CSMD2: variants seen among roughly 807,000 people sequenced by gnomAD.
CSMD2 encodes CUB and sushi domain-containing protein 2.
CSMD2 carries 130 observed loss-of-function variants against 398.5 expected under a neutral mutation model. The observed-to-expected ratio is 0.33, with a 90% CI of 0.28 to 0.38. The LOEUF (loss-of-function observed/expected upper bound fraction) is 0.38, where lower values mean the gene tolerates loss of function less well. Among genes scored for constraint, CSMD2 ranks in the 10% least tolerant of loss-of-function variants. CSMD2 has a pLI of 1.00. For synonymous variants in CSMD2, 1,828 were observed against 1,908.5 expected (o/e 0.96, Z 1.10); for missense variants, 3,829 against 4,764.9 (o/e 0.80, Z 5.78).
chr1:33,839,686 G>T (rs1037137308), intron 6 of CSMD2: 1 of 152,136 alleles, frequency 6.6e-6, no homozygotes, highest in Non-Finnish European at 1.5e-5. Context: ...ATGTGGAAGA[G>T]AATGAAAAAA....
chr1:33,851,768 C>G (rs913059376), intron 5 of CSMD2, among the ~76,000 whole-genome samples: 16 of 152,138 alleles, frequency 1.1e-4, no homozygotes, highest in African/African-American at 3.9e-4. Flanking sequence ...ACTCCTAGGA[C>G]TTGCTATGTC....
chr1:33,736,263 C>T (rs181367374), intron 15 of CSMD2, among the ~76,000 whole-genome samples: 196 of 152,172 alleles, frequency 1.3e-3, no homozygotes, highest in Non-Finnish European at 2.4e-3. Flanking sequence ...GGGTGGATCA[C>T]GAGGTCAGGA....
At chr1:34,043,610 TG>T (rs1343763422) in intron 2 of CSMD2, among the ~76,000 whole-genome samples, 2 of 152,210 alleles carry the variant, frequency 1.3e-5, no homozygotes, top group Non-Finnish European at 2.9e-5. Context: ...AGTCAATAAA[TG>T]ACGGTTTCAC....
At chr1:33,797,060 C>G (rs1308998787) in intron 10 of CSMD2, among the ~76,000 whole-genome samples, 2 of 152,194 alleles carry the variant, frequency 1.3e-5, no homozygotes, top group African/African-American at 2.4e-5. Context: ...AGATGTTTAT[C>G]AAGACAATAC....
At chr1:34,066,634 C>A (rs1185291731) in intron 2 of CSMD2, among the ~76,000 whole-genome samples, 1 of 152,088 alleles carries the variant, frequency 6.6e-6, no homozygotes, top group Non-Finnish European at 1.5e-5. Flanking sequence ...GACAAGTGGG[C>A]TCAAGAGAGG....
At chr1:33,990,788 G>T (rs1412526860) in intron 3 of CSMD2, among the ~76,000 whole-genome samples, 1 of 152,160 alleles carries the variant, frequency 6.6e-6, no homozygotes, top group African/African-American at 2.4e-5. Context: ...AGCCTACTGA[G>T]CTCACCCAGT....
intron 2 of CSMD2, among the ~76,000 whole-genome samples, chr1:34,039,727 G>C (rs1651608561): frequency 6.6e-6 from 1 of 152,200 alleles, no homozygotes. Flanking sequence ...GTAAGCAGCT[G>C]AGCAGGTTTA....
intron 1 of CSMD2, among the ~76,000 whole-genome samples, chr1:34,120,025 T>C (rs1476887567): frequency 6.6e-6 from 1 of 152,192 alleles, no homozygotes; most frequent in African/African-American, 2.4e-5. Flanking sequence ...AACCTAAATG[T>C]ACCTACATGG....
intron 25 of CSMD2, among the ~76,000 whole-genome samples, chr1:33,683,838 T>A (rs1445007025): frequency 1.3e-5 from 2 of 152,236 alleles, no homozygotes; most frequent in African/African-American, 4.8e-5. Flanking sequence ...AATACCCCAC[T>A]GTGTGTGTGC....
At position 33,546,329 on chromosome 1, in the gene CSMD2, C is replaced by T. The variant is rs1281130474; in HGVS notation, c.8918-110G>A. 8 of 1,065,414 alleles carry T rather than the reference C, an allele frequency of 7.5e-6. No individual in the cohort carries two copies. The African/African-American group carries it at 8.0e-5, about 11-fold the overall frequency. 66.0% of individuals were successfully genotyped at this position (1,065,414 alleles called of 1,614,324 possible). On this transcript the variant is annotated intron_variant, in intron 56 of 70. Coordinates refer to ENST00000373381, the MANE Select transcript of CSMD2 (RefSeq NM_001281956.2). ...GACTAAGGGGATGCAGTGGGTCCCACGAATGAGGCCTAGCACAAGTTACCT... is the reference window on the plus strand; with the variant it reads ...GACTAAGGGGATGCAGTGGGTCCCATGAATGAGGCCTAGCACAAGTTACCT...
chr1:34,066,251 T>A (rs1050966410), intron 2 of CSMD2, among the ~76,000 whole-genome samples: 3 of 152,198 alleles, frequency 2.0e-5, no homozygotes, highest in Non-Finnish European at 4.4e-5. Context: ...ATACACTGCA[T>A]ATACAAATAC....
intron 2 of CSMD2, among the ~76,000 whole-genome samples, chr1:34,062,879 A>T (rs1351753168): frequency 2.0e-5 from 3 of 152,194 alleles, no homozygotes; most frequent in African/African-American, 7.2e-5. Context: ...GCTGATAAAG[A>T]CATACCCGAG....
intron 6 of CSMD2, among the ~76,000 whole-genome samples, chr1:33,842,504 C>A (rs987953): frequency 3.8e-4 from 58 of 152,018 alleles, no homozygotes; most frequent in African/African-American, 1.2e-3. Flanking sequence ...TGCTCGCTAC[C>A]TATCCTGCTT....
chr1:34,134,556 C>G (rs541820629), intron 1 of CSMD2, among the ~76,000 whole-genome samples: 11 of 152,142 alleles, frequency 7.2e-5, no homozygotes, highest in African/African-American at 2.4e-4. Flanking sequence ...AAACCAGAAG[C>G]CAAAACACTG....
intron 6 of CSMD2, among the ~76,000 whole-genome samples, chr1:33,840,683 G>A (rs542931633): frequency 1.1e-4 from 17 of 152,294 alleles, no homozygotes; most frequent in African/African-American, 3.6e-4. Context: ...GTGAGGTCAC[G>A]GGTGCCATAT....
chr1:33,973,294 T>A (rs920666554), intron 3 of CSMD2, among the ~76,000 whole-genome samples: 4 of 152,124 alleles, frequency 2.6e-5, no homozygotes, highest in African/African-American at 9.7e-5. Flanking sequence ...GAGGAGGCAG[T>A]GCAGACAGCT....
intron 3 of CSMD2, among the ~76,000 whole-genome samples, chr1:33,979,328 T>C (rs1269406850): frequency 6.6e-6 from 1 of 152,120 alleles, no homozygotes; most frequent in East Asian, 1.9e-4. Flanking sequence ...CAGACAAGCC[T>C]ATTTTGTGTT....
intron 25 of CSMD2, among the ~76,000 whole-genome samples, chr1:33,664,035 CT>C (rs1416337510): frequency 6.6e-6 from 1 of 152,118 alleles, no homozygotes; most frequent in Non-Finnish European, 1.5e-5. Context: ...CCACTGATGT[CT>C]TTTTTTGTGT....
At chr1:34,118,551 C>T (rs913105857) in intron 1 of CSMD2, among the ~76,000 whole-genome samples, 3 of 152,172 alleles carry the variant, frequency 2.0e-5, no homozygotes, top group Non-Finnish European at 4.4e-5. Context: ...ACAATTTCAG[C>T]AAAGTTGCTG....
Sources: gnomAD v4.1 joint callset for allele counts (sites outside exome capture counted in the v4.1 genomes callset) on GRCh38, gnomAD v4.1.1 for gene constraint, MANE v1.5 for transcripts, NCBI Gene and HGNC (gene_info 2026-07-23, HGNC 2026-07-21) for gene names.